PAXBP1: variants seen among roughly 807,000 people sequenced by gnomAD.
PAXBP1 encodes the protein PAX3 and PAX7 binding protein 1, also known as PAX3- and PAX7-binding protein 1.
In PAXBP1, 44 loss-of-function variants were observed where a neutral mutation model predicts 119.9. That is an observed-to-expected ratio of 0.37 (90% CI 0.29 to 0.47). The LOEUF (loss-of-function observed/expected upper bound fraction) is 0.47, where lower values mean the gene tolerates loss of function less well. PAXBP1 is among the 20% of genes least tolerant of loss of function. The probability of loss-of-function intolerance (pLI) is 0.99; values close to 1 mark genes in which losing one functional copy is unlikely to be tolerated. For synonymous variants in PAXBP1, 393 were observed against 406.6 expected (o/e 0.97, Z 0.40); for missense variants, 898 against 1,134.1 (o/e 0.79, Z 2.99).
At position 32,744,917 on chromosome 21, in the gene PAXBP1, T is replaced by C; in HGVS notation, c.2069-4A>G. On this transcript the variant is annotated splice_region_variant and splice_polypyrimidine_tract_variant and intron_variant, in intron 12 of 17. Transcript: ENST00000331923. ...TCCCACATATTTTCAGCTATCACTA[T>C]TAAGAAAAAAAGAGGATTGAGACAC... is the stretch of plus-strand genomic sequence containing the variant. 6.3e-7 allele frequency: 1 copy of C among 1,595,736 alleles called. No individual in the cohort carries two copies. The highest frequency in any genetic ancestry group is 8.5e-7 in the Non-Finnish European group (1 of 1,174,988).
intron 16 of PAXBP1, among the ~76,000 whole-genome samples, chr21:32,737,809 C>T (rs555332365): frequency 1.8e-4 from 27 of 152,226 alleles, no homozygotes; most frequent in African/African-American, 6.5e-4. Context: ...TGCAATAATT[C>T]CACGAATAGA....
intron 2 of PAXBP1, among the ~76,000 whole-genome samples, chr21:32,766,894 G>A (rs931381129): frequency 6.6e-6 from 1 of 152,104 alleles, no homozygotes; most frequent in Admixed American, 6.5e-5. Context: ...GACTTTTCTT[G>A]TACTAGTTCA....
At chr21:32,758,542 C>A (rs1007485793) in intron 7 of PAXBP1, among the ~76,000 whole-genome samples, 1 of 147,636 alleles carries the variant, frequency 6.8e-6, no homozygotes, top group African/African-American at 2.5e-5. Flanking sequence ...AGAAATGAAA[C>A]CTTAGAAAAA....
At chr21:32,741,683 G>A in intron 15 of PAXBP1, 1 of 628,578 alleles carries the variant, frequency 1.6e-6, no homozygotes, top group Non-Finnish European at 2.9e-6. Context: ...AAAGGCAGAG[G>A]CAAAATTAAG....
chr21:32,761,541 A>G (rs1426797258), intron 4 of PAXBP1, among the ~76,000 whole-genome samples: 1 of 152,104 alleles, frequency 6.6e-6, no homozygotes, highest in Non-Finnish European at 1.5e-5. Flanking sequence ...TATCACAATG[A>G]TATTAGTTTT....
chr21:32,770,088 C>T (rs1376717095), intron 1 of PAXBP1, 146 bp from the exon 2 acceptor site: 1 of 611,858 alleles, frequency 1.6e-6, no homozygotes, highest in Non-Finnish European at 2.6e-6. Context: ...TCAAGTCTGT[C>T]ACAGACTCAA....
At chr21:32,761,456 G>C (rs1312998128) in intron 4 of PAXBP1, among the ~76,000 whole-genome samples, 3 of 152,152 alleles carry the variant, frequency 2.0e-5, no homozygotes, top group South Asian at 4.1e-4. Flanking sequence ...TAGGAATATA[G>C]AACTATATGA....
At position 32,771,047 on chromosome 21, in the gene PAXBP1, A is replaced by G. The variant is rs564560767; in HGVS notation, c.343+279T>C. On this transcript the variant is annotated intron_variant, in intron 1 of 17. Coordinates refer to ENST00000331923, the MANE Select transcript of PAXBP1 (RefSeq NM_016631.4). ...ACACGCCAGGCAGAAAAGAGGCAGG[A>G]CAGGGAACACCGAATTTCCCCTGAA... 3.5e-4 allele frequency among the ~76,000 whole-genome samples: 53 copies of G among 152,352 alleles called. No individual in the cohort carries two copies. In the South Asian group the frequency reaches 0.01, roughly 30 times the overall value.
At chr21:32,760,159 A>G (rs2044115767) in intron 5 of PAXBP1, among the ~76,000 whole-genome samples, 165 bp from the exon 6 acceptor site, 1 of 152,236 alleles carries the variant, frequency 6.6e-6, no homozygotes, top group South Asian at 2.1e-4. Context: ...GATTGAATGA[A>G]TGTCCTATCT....
chr21:32,736,427 T>C (rs1250615514), intron 17 of PAXBP1, among the ~76,000 whole-genome samples: 5 of 152,206 alleles, frequency 3.3e-5, no homozygotes, highest in Non-Finnish European at 7.3e-5. Context: ...GACCTCATGA[T>C]CCACCTGCCT....
intron 3 of PAXBP1, 90 bp from the exon 4 acceptor site, chr21:32,762,407 CCT>C: frequency 6.8e-7 from 1 of 1,474,192 alleles, no homozygotes; most frequent in Non-Finnish European, 9.0e-7. Context: ...TCCAAGATAG[CCT>C]CATCACAGTG....
chr21:32,762,069 G>C, intron 4 of PAXBP1, 27 bp downstream of exon 4: 1 of 1,612,528 alleles, frequency 6.2e-7, no homozygotes, highest in Non-Finnish European at 8.5e-7. Flanking sequence ...AATGCAATAG[G>C]CTTACTATTC....
chr21:32,744,546 T>A (rs987486515), intron 13 of PAXBP1, among the ~76,000 whole-genome samples: 1 of 152,002 alleles, frequency 6.6e-6, no homozygotes, highest in Non-Finnish European at 1.5e-5. Flanking sequence ...AATGATGACA[T>A]CTTCCTTCCA....
At chr21:32,737,945 A>G (rs955847949) in intron 16 of PAXBP1, among the ~76,000 whole-genome samples, 12 of 152,152 alleles carry the variant, frequency 7.9e-5, no homozygotes, top group African/African-American at 2.4e-4. Context: ...ACTAATATCT[A>G]TAAAAATATG....
intron 14 of PAXBP1, 145 bp from the exon 15 acceptor site, chr21:32,743,459 T>C (rs1475595013): frequency 1.3e-5 from 9 of 703,614 alleles, no homozygotes; most frequent in African/African-American, 7.3e-5. Context: ...GAAGATAGTA[T>C]GTTAAAAAGG....
chr21:32,746,669 C>G (rs142369580), intron 11 of PAXBP1, among the ~76,000 whole-genome samples: 44 of 152,100 alleles, frequency 2.9e-4, no homozygotes, highest in African/African-American at 1.0e-3. Context: ...GTAAGGAAGA[C>G]AGTGTGCCAA....
At chr21:32,759,661 A>G in intron 6 of PAXBP1, 116 bp downstream of exon 6, 1 of 867,340 alleles carries the variant, frequency 1.2e-6, no homozygotes, top group Non-Finnish European at 1.8e-6. Flanking sequence ...TTAGCTTTTG[A>G]AGCTGGGCCA....
rs1014416926 is a variant in PAXBP1 at position 32,733,983 on chromosome 21, T to A, written c.*967A>T. On this transcript the variant is annotated 3_prime_UTR_variant, in exon 18 of 18. Transcript: ENST00000331923. ...CGATAGTCCTTAATTTCCAAAAAAA[T>A]TCCTCTTTTGAAAATCACAGAATCA... 2.0e-5 allele frequency: 3 copies of A among 152,626 alleles called. No homozygotes were observed. The highest frequency in any genetic ancestry group is 7.2e-5 in the African/African-American group (3 of 41,442). The allele number at this position is 152,626 out of a possible 1,614,324, so 9.5% of individuals were successfully genotyped here. A position where few individuals can be genotyped will look rare whatever the true frequency, so the allele number is the denominator to read the frequency against.
intron 10 of PAXBP1, among the ~76,000 whole-genome samples, chr21:32,750,005 GT>G (rs1305536664): frequency 6.6e-6 from 1 of 152,058 alleles, no homozygotes; most frequent in Non-Finnish European, 1.5e-5. Flanking sequence ...CCTAAAAAGG[GT>G]TTTTCCAGGA....
Sources: allele counts gnomAD v4.1 joint callset (sites outside exome capture counted in the v4.1 genomes callset), GRCh38; gene constraint gnomAD v4.1.1; transcripts MANE v1.5; gene names NCBI Gene and HGNC (gene_info 2026-07-23, HGNC 2026-07-21).